WBP2NL: variants seen among roughly 807,000 people sequenced by gnomAD.
WBP2NL encodes WBP2 N-terminal like.
Under a neutral mutation model 23.3 loss-of-function variants are expected in WBP2NL, and 27 were observed. The ratio of observed to expected loss-of-function variants is 1.16; its 90% CI spans 0.85 to 1.60. WBP2NL has a LOEUF of 1.60. WBP2NL is among the 40% of genes most tolerant of loss of function. The pLI, the probability that WBP2NL is intolerant of heterozygous loss-of-function variation, is 0.00. For missense variants in WBP2NL, 370 were observed against 389.5 expected (o/e 0.95, Z 0.42); for synonymous variants, 151 against 145.9 (o/e 1.03, Z -0.25).
Position 41,998,811 on chromosome 22 carries a change from G to A in WBP2NL, c.-8G>A, listed in dbSNP as rs774112323. ...CCATCTACGGGGCGGCAGGAGGCCC[G>A]AAGCAAGATGGCGGTGAATCAGAGC... is the stretch of plus-strand genomic sequence containing the variant. On this transcript the variant is annotated 5_prime_UTR_variant, in exon 1 of 6. Transcript: ENST00000328823. 3 of 1,608,434 alleles carry A rather than the reference G, an allele frequency of 1.9e-6. No individual in the cohort carries two copies. Among genetic ancestry groups the A allele is most frequent in the South Asian group, 2.2e-5 (2 of 90,690 alleles).
At chr22:42,025,303 C>G (rs1924380556) in intron 5 of WBP2NL, among the ~76,000 whole-genome samples, 1 of 152,150 alleles carries the variant, frequency 6.6e-6, no homozygotes, top group South Asian at 2.1e-4. Flanking sequence ...TTGAATGCAG[C>G]CCAACACAAA....
At position 42,026,865 on chromosome 22, in the gene WBP2NL, G is replaced by T. The variant is rs149988961; in HGVS notation, c.614G>T (p.Gly205Val). 551 of 1,603,466 alleles carry T rather than the reference G, an allele frequency of 3.4e-4. No individual in the cohort carries two copies. Among genetic ancestry groups the T allele is most frequent in the Middle Eastern group, 5.0e-4 (3 of 6,018 alleles). ...GGAGCCCAACCCGTAGGAAATGAAG[G>T]CCCGCCTGTGGGATACAGAGCCTCA... ...GYGAQPVGNE[G>V]PPVGYRASPV... Residue 205 changes from glycine to valine, a missense_variant, in exon 6 of 6, where the codon GGC (glycine) becomes GTC (valine). Coordinates refer to ENST00000328823, the MANE Select transcript of WBP2NL (RefSeq NM_152613.3).
chr22:42,008,641 C>G (rs1025941388), intron 1 of WBP2NL, among the ~76,000 whole-genome samples: 2 of 152,096 alleles, frequency 1.3e-5, no homozygotes, highest in Non-Finnish European at 2.9e-5. Context: ...TATTATTGCT[C>G]TTGTTGCCCA....
intron 1 of WBP2NL, among the ~76,000 whole-genome samples, chr22:42,007,572 TGA>T (rs1922370228): frequency 6.6e-6 from 1 of 152,172 alleles, no homozygotes; most frequent in Non-Finnish European, 1.5e-5. Context: ...CCTCTCCCCA[TGA>T]CACCTAGTAA....
intron 8 of WBP2NL, among the ~76,000 whole-genome samples, chr22:42,044,372 G>C (rs1925505988): frequency 6.6e-6 from 1 of 152,104 alleles, no homozygotes; most frequent in South Asian, 2.1e-4. Flanking sequence ...CGACCAGCTG[G>C]CCTTACCTTT....
chr22:42,037,294 C>G (rs1925220331), downstream of WBP2NL, among the ~76,000 whole-genome samples: 1 of 151,950 alleles, frequency 6.6e-6, no homozygotes, highest in Non-Finnish European at 1.5e-5. Context: ...CTGTTCTGTT[C>G]CATTTTGTCT....
intron 8 of WBP2NL, among the ~76,000 whole-genome samples, chr22:42,039,988 T>G (rs1270808000): frequency 6.6e-6 from 1 of 151,544 alleles, no homozygotes; most frequent in Non-Finnish European, 1.5e-5. Flanking sequence ...CTCAGCTCAC[T>G]GCAACCTCCG....
At chr22:42,040,452 A>G (rs1925361587) in intron 8 of WBP2NL, among the ~76,000 whole-genome samples, 3 of 152,112 alleles carry the variant, frequency 2.0e-5, no homozygotes, top group Non-Finnish European at 4.4e-5. Context: ...TGAACTCCTG[A>G]CCTCAAGTGA....
At chr22:42,045,806 G>T (rs1407158707) in intron 8 of WBP2NL, among the ~76,000 whole-genome samples, 2 of 152,184 alleles carry the variant, frequency 1.3e-5, no homozygotes, top group Admixed American at 6.5e-5. Flanking sequence ...GACTTGCATG[G>T]TTCATTAAAG....
At chr22:42,057,430 C>A (rs778720467) in intron 8 of WBP2NL, among the ~76,000 whole-genome samples, 4 of 151,984 alleles carry the variant, frequency 2.6e-5, no homozygotes, top group Non-Finnish European at 4.4e-5. Flanking sequence ...CATTCTTATT[C>A]TTTCCTTTAT....
intron 1 of WBP2NL, among the ~76,000 whole-genome samples, chr22:42,013,123 A>G (rs1475456103): frequency 6.6e-6 from 1 of 152,084 alleles, no homozygotes; most frequent in Non-Finnish European, 1.5e-5. Flanking sequence ...CTGTAATCCC[A>G]GCACTTTGGG....
chr22:42,037,571 A>G (rs535116788), downstream of WBP2NL, among the ~76,000 whole-genome samples: 5 of 151,996 alleles, frequency 3.3e-5, no homozygotes, highest in African/African-American at 7.2e-5. Context: ...AATTCTTCCA[A>G]TCTGTGAACA....
Position 42,047,622 on chromosome 22 carries a change from T to A in WBP2NL, c.*274-10668T>A, listed in dbSNP as rs112037384. On this transcript the variant is annotated intron_variant and NMD_transcript_variant, in intron 8 of 8. Coordinates refer to the WBP2NL transcript ENST00000436265. ...CGCCTCCCAAAAAAAACCAATCAAA[T>A]TTTTTTTTTTTTTTTTTGAGACAGA... Among the ~76,000 whole-genome samples the A allele has an allele frequency of 7.9e-3, 335 of 42,478 alleles. 1 individual carries two copies. The highest frequency in any genetic ancestry group is 0.016 in the African/African-American group (122 of 7,704). The allele number at this position is 42,478 out of a possible 152,430, so 27.9% of individuals were successfully genotyped here.
chr22:42,019,794 G>A lies in WBP2NL; in HGVS notation c.304G>A (p.Ala102Thr), dbSNP rs1463465870. 1 of 1,614,012 alleles carries A rather than the reference G, an allele frequency of 6.2e-7. No individual in the cohort carries two copies. The highest frequency in any genetic ancestry group is 1.7e-5 in the Admixed American group (1 of 59,986). The change falls in exon 3 of 6, where the codon GCT becomes ACT. Residue 102 changes from alanine (A) to threonine (T), a missense_variant. Ala to Thr is a moderately conservative substitution (Grantham distance 58). Transcript: ENST00000328823. The part of the protein sequence containing the change: ...ANFIKGTIQA[A>T]PYGGWEGQAT... Reference sequence around the variant, plus strand: ...CTTCATTAAGGGAACTATTCAGGCAGCTCCATATGGTAAGTGTTCCCTCAG... The same window carrying A: ...CTTCATTAAGGGAACTATTCAGGCAACTCCATATGGTAAGTGTTCCCTCAG...
intron 1 of WBP2NL, among the ~76,000 whole-genome samples, chr22:42,012,361 T>C (rs563416642): frequency 2.6e-4 from 40 of 152,280 alleles, no homozygotes; most frequent in Admixed American, 9.8e-4. Context: ...ATAAACATCT[T>C]AGCACTGCAT....
intron 1 of WBP2NL, among the ~76,000 whole-genome samples, chr22:42,006,322 G>T (rs889739806): frequency 1.3e-5 from 2 of 151,268 alleles, no homozygotes; most frequent in Admixed American, 6.6e-5. Flanking sequence ...CCGGGTTCAC[G>T]CCATTCTCCT....
chr22:42,028,865 A>C (rs2146804983), downstream of WBP2NL, among the ~76,000 whole-genome samples: 1 of 152,342 alleles, frequency 6.6e-6, no homozygotes, highest in Non-Finnish European at 1.5e-5. Flanking sequence ...AGGACAATTA[A>C]GGTACTGCCC....
intron 4 of WBP2NL, among the ~76,000 whole-genome samples, chr22:42,021,211 C>G (rs1010957980): frequency 6.6e-6 from 1 of 151,888 alleles, no homozygotes. Context: ...TGAGCCAGCA[C>G]GCCTGGCCGG....
chr22:42,026,158 G>C (rs1012942361), intron 5 of WBP2NL, among the ~76,000 whole-genome samples: 1 of 151,822 alleles, frequency 6.6e-6, no homozygotes, highest in African/African-American at 2.4e-5. Context: ...TGTAGTCCCA[G>C]CTACTCGGGA....
Sources: allele counts gnomAD v4.1 joint callset (sites outside exome capture counted in the v4.1 genomes callset), GRCh38; gene constraint gnomAD v4.1.1; transcripts MANE v1.5; gene names NCBI Gene and HGNC (gene_info 2026-07-23, HGNC 2026-07-21).